The following EGFLAM variants were observed in gnomAD, a reference collection of about 807,000 sequenced individuals.
EGFLAM encodes the protein EGF like, fibronectin type III and laminin G domains.
A neutral mutation model predicts 113.1 loss-of-function variants in EGFLAM; 79 were observed. That is an observed-to-expected ratio of 0.70 (90% CI 0.58 to 0.84). EGFLAM has a LOEUF of 0.84. EGFLAM is among the 40% of genes least tolerant of loss of function. EGFLAM has a pLI of 0.00. For synonymous variants in EGFLAM, 504 were observed against 487.6 expected, an observed-to-expected ratio of 1.03 and a Z score of -0.44; for missense variants, 1,265 against 1,291.6, an observed-to-expected ratio of 0.98 and a Z score of 0.32.
chr5:38,259,151 C>G (rs1303834185), intron 1 of EGFLAM, among the ~76,000 whole-genome samples: 1 of 152,238 alleles, frequency 6.6e-6, no homozygotes, highest in East Asian at 1.9e-4. Context: ...CGTGCTGTCT[C>G]AATTACAGAG....
At chr5:38,444,257 AG>A (rs1742638537) in intron 17 of EGFLAM, among the ~76,000 whole-genome samples, 1 of 152,238 alleles carries the variant, frequency 6.6e-6, no homozygotes, top group Non-Finnish European at 1.5e-5. Flanking sequence ...CTAATCAGTG[AG>A]GCCATTGCCA....
At chr5:38,299,451 C>T (rs1399784694) in intron 1 of EGFLAM, among the ~76,000 whole-genome samples, 1 of 152,142 alleles carries the variant, frequency 6.6e-6, no homozygotes, top group Non-Finnish European at 1.5e-5. Context: ...CCCTGCAAAT[C>T]TCATGTTGAA....
rs200714060 is a variant in EGFLAM, at chr5:38,451,401, T to C, written c.2630T>C (p.Met877Thr). 2 of 1,613,438 alleles carry C rather than the reference T, an allele frequency of 1.2e-6. No individual in the cohort carries two copies. Among genetic ancestry groups the C allele is most frequent in the Non-Finnish European group, 1.7e-6 (2 of 1,179,314 alleles). ...TTGCTGTGGAGGGGAGACAGCCCCATGAGACCCAACAGCGACTTCATTTCC... is the reference window on the plus strand; with the variant it reads ...TTGCTGTGGAGGGGAGACAGCCCCACGAGACCCAACAGCGACTTCATTTCC... ...GLLLWRGDSP[M>T]RPNSDFISLG... Residue 877 changes from methionine (M) to threonine (T), a missense_variant, in exon 19 of 22, where the codon ATG (methionine) becomes ACG (threonine). Coordinates refer to ENST00000322350, the MANE Select transcript of EGFLAM (RefSeq NM_152403.4).
At position 38,337,554 on chromosome 5, in the gene EGFLAM, C is replaced by T. The variant is rs759197022; in HGVS notation, c.132C>T (p.Gly44=). ...KVGPPLDIKL[G]ALNCTAFSIQ... The stretch of plus-strand genomic sequence containing the variant: ...GGCCTCCTCTTGACATCAAGCTGGG[C>T]GCATTGAACTGTACGGCTTTCAGCA... The change falls in exon 2 of 22, where the codon GGC becomes GGT. Residue 44 remains glycine, a synonymous_variant. Coordinates refer to ENST00000322350, the MANE Select transcript of EGFLAM (RefSeq NM_152403.4). 9 of 1,605,398 alleles carry T rather than the reference C, an allele frequency of 5.6e-6. No homozygotes were observed. The highest frequency in any genetic ancestry group is 2.7e-5 in the African/African-American group (2 of 74,892).
intron 1 of EGFLAM, among the ~76,000 whole-genome samples, chr5:38,328,255 C>A (rs1738940483): frequency 1.3e-5 from 2 of 152,074 alleles, no homozygotes; most frequent in South Asian, 4.1e-4. Context: ...TATTAAAGAA[C>A]CAGATCTTAC....
intron 18 of EGFLAM, among the ~76,000 whole-genome samples, chr5:38,450,877 A>G (rs886749702): frequency 6.6e-6 from 1 of 152,320 alleles, no homozygotes; most frequent in African/African-American, 2.4e-5. Context: ...CTTGTCCCCA[A>G]GGACAGTCAC....
chr5:38,355,346 T>G (rs1191182865), intron 5 of EGFLAM, among the ~76,000 whole-genome samples: 1 of 152,084 alleles, frequency 6.6e-6, no homozygotes, highest in Non-Finnish European at 1.5e-5. Flanking sequence ...CATTTTATGA[T>G]GAAGGGGGGA....
chr5:38,386,091 C>A (rs1041882566), intron 6 of EGFLAM, among the ~76,000 whole-genome samples: 2 of 152,218 alleles, frequency 1.3e-5, no homozygotes, highest in African/African-American at 4.8e-5. Context: ...TACCATTGTA[C>A]ATGGGTTCCA....
chr5:38,400,983 C>T (rs1433026963), intron 6 of EGFLAM: 1 of 152,130 alleles, frequency 6.6e-6, no homozygotes, highest in African/African-American at 2.4e-5. Context: ...CCCTATGTTT[C>T]CCCAAACTGA....
intron 1 of EGFLAM, among the ~76,000 whole-genome samples, chr5:38,299,853 A>G (rs1361786967): frequency 1.3e-5 from 2 of 152,160 alleles, no homozygotes; most frequent in African/African-American, 4.8e-5. Context: ...TTCACTTGAC[A>G]TGTATTTATT....
At chr5:38,450,495 A>G (rs1283753514) in intron 18 of EGFLAM, among the ~76,000 whole-genome samples, 1 of 152,248 alleles carries the variant, frequency 6.6e-6, no homozygotes, top group African/African-American at 2.4e-5. Flanking sequence ...TAGAGAATGG[A>G]CAAAGAAACT....
chr5:38,347,048 T>C (rs747100088), intron 3 of EGFLAM, among the ~76,000 whole-genome samples: 8 of 152,020 alleles, frequency 5.3e-5, no homozygotes, highest in Non-Finnish European at 1.0e-4. Context: ...GGAAATGGGA[T>C]GAGGGAACAG....
chr5:38,286,887 A>C (rs755749641), intron 1 of EGFLAM, among the ~76,000 whole-genome samples: 11 of 152,280 alleles, frequency 7.2e-5, no homozygotes, highest in Admixed American at 2.6e-4. Context: ...ATCTAAACAG[A>C]CTGAGAGGGG....
Position 38,414,646 on chromosome 5 carries a change from G to A in EGFLAM, c.1494+1998G>A, listed in dbSNP as rs193178743. ...TTCTAAGAAGGCTGCAGACAAATTGGAGCAGTTCCGGGGTAGTCACCCAAA... is the reference window on the plus strand; with the variant it reads ...TTCTAAGAAGGCTGCAGACAAATTGAAGCAGTTCCGGGGTAGTCACCCAAA... On this transcript the variant is annotated intron_variant, in intron 11 of 21. Transcript: ENST00000322350. Among the ~76,000 whole-genome samples, 329 of 152,254 alleles carry A rather than the reference G, an allele frequency of 2.2e-3. 2 individuals are homozygous for A. The highest frequency in any genetic ancestry group is 7.7e-3 in the African/African-American group (318 of 41,560).
At position 38,421,867 on chromosome 5, in the gene EGFLAM, G is replaced by C. The variant is rs186558855; in HGVS notation, c.1685-3100G>C. On this transcript the variant is annotated intron_variant, in intron 12 of 21. Coordinates refer to ENST00000322350, the MANE Select transcript of EGFLAM (RefSeq NM_152403.4). ...GGGCTTGTTCCAGGGGAAGAGGAAG[G>C]GGGAGATGGGTGCCATGATCTAGTT... Among the ~76,000 whole-genome samples, 16 of 152,212 alleles carry C rather than the reference G, an allele frequency of 1.1e-4. No individual in the cohort carries two copies. In the East Asian group the frequency reaches 2.1e-3, roughly 20 times the overall value.
Position 38,370,403 on chromosome 5 carries a change from C to T in EGFLAM, c.653C>T (p.Ala218Val). The change falls in exon 6 of 22, where the codon GCA (alanine) becomes GTA (valine). Residue 218 changes from alanine to valine, a missense_variant. By Grantham distance (64) the Ala-to-Val change is moderately conservative. Transcript: ENST00000322350. The part of the protein sequence containing the change: ...PDTNYQFAVR[A>V]MNSHGPSPRS... ...ACCAACTACCAGTTTGCCGTGAGGG[C>T]AATGAATTCCCATGGCCCCAGCCCC... 6.2e-7 allele frequency: 1 copy of T among 1,614,198 alleles called. No individual in the cohort carries two copies. The highest frequency in any genetic ancestry group is 8.5e-7 in the Non-Finnish European group (1 of 1,180,038).
intron 6 of EGFLAM, among the ~76,000 whole-genome samples, chr5:38,392,202 T>G (rs182546592): frequency 6.6e-6 from 1 of 152,332 alleles, no homozygotes; most frequent in African/African-American, 2.4e-5. Flanking sequence ...AGTGAGAACA[T>G]GAAGTATTTG....
chr5:38,298,619 C>T (rs56243479), intron 1 of EGFLAM, among the ~76,000 whole-genome samples: 3,649 of 152,260 alleles, frequency 0.024, 51 homozygotes, highest in Admixed American at 0.035. Context: ...AATATCAATA[C>T]AATATGTAAA....
rs139626585 is a variant in EGFLAM at position 38,403,427 on chromosome 5, C to A, written c.713-2699C>A. On this transcript the variant is annotated intron_variant, in intron 6 of 21. Coordinates refer to ENST00000322350, the MANE Select transcript of EGFLAM (RefSeq NM_152403.4). ...TTAATTTAAAAGATGCACTTCATGG[C>A]TTCTCTTTGGCATATCTGAATCCCA... 2.0e-3 allele frequency: 318 copies of A among 155,778 alleles called. 1 individual carries two copies. The highest frequency in any genetic ancestry group is 7.4e-3 in the African/African-American group (306 of 41,624). The allele number at this position is 155,778 out of a possible 1,614,324, so 9.6% of individuals were successfully genotyped here.
Sources: allele counts gnomAD v4.1 joint callset (sites outside exome capture counted in the v4.1 genomes callset), GRCh38; gene constraint gnomAD v4.1.1; transcripts MANE v1.5; gene names NCBI Gene and HGNC (gene_info 2026-07-23, HGNC 2026-07-21).